Variants in TGS1 observed in about 807,000 individuals in gnomAD.
TGS1 encodes the protein trimethylguanosine synthase 1.
In TGS1, 69 loss-of-function variants were observed where a neutral mutation model predicts 92.2. That is an observed-to-expected ratio of 0.75 (90% CI 0.62 to 0.91). TGS1 has a LOEUF of 0.91. TGS1 is among the 40% of genes least tolerant of loss of function. The pLI, the probability that TGS1 is intolerant of heterozygous loss-of-function variation, is 0.00. For synonymous variants in TGS1, 345 were observed against 338.1 expected (o/e 1.02, Z -0.22); for missense variants, 1,062 against 1,001.2 (o/e 1.06, Z -0.82).
intron 10 of TGS1, among the ~76,000 whole-genome samples, chr8:55,805,259 A>G (rs1030550168): frequency 6.6e-6 from 1 of 152,216 alleles, no homozygotes; most frequent in East Asian, 1.9e-4. Flanking sequence ...TTTGAACTGT[A>G]TGAGTCCACT....
In TGS1 at chr8:55,785,929, G is replaced by A. The variant is rs188340009; in HGVS notation, c.339+38G>A. The A allele has an allele frequency of 6.4e-4, 963 of 1,511,708 alleles. 17 individuals carry two copies. In the South Asian group the frequency reaches 8.7e-3, roughly 14 times the overall value. The allele number at this position is 1,511,708 out of a possible 1,614,324, so 93.6% of individuals were successfully genotyped here. On this transcript the variant is annotated intron_variant, in intron 3 of 12. Coordinates refer to ENST00000260129, the MANE Select transcript of TGS1 (RefSeq NM_024831.8). ...TTACTTTTATTATTTCTCTCTCTTC[G>A]TTTTCTTTATAAAATATCGCAAGGA...
At position 55,773,561 on chromosome 8, in the gene TGS1, G is replaced by T; in HGVS notation, c.-58G>T. 1 of 1,387,894 alleles carries T rather than the reference G, an allele frequency of 7.2e-7. No homozygotes were observed. The highest frequency in any genetic ancestry group is 1.0e-6 in the Non-Finnish European group (1 of 993,376). The allele number at this position is 1,387,894 out of a possible 1,614,324, so 86.0% of individuals were successfully genotyped here. The stretch of plus-strand genomic sequence containing the variant: ...GTTTTAAGTCTCCAGTAACCGAGCG[G>T]AGGCCCGGCAGGCGCGACCCGGGCT... On this transcript the variant is annotated 5_prime_UTR_variant, in exon 1 of 13. Coordinates refer to ENST00000260129, the MANE Select transcript of TGS1 (RefSeq NM_024831.8).
At chr8:55,811,223 G>A in intron 11 of TGS1, 126 bp downstream of exon 11, 2 of 773,500 alleles carry the variant, frequency 2.6e-6, no homozygotes, top group East Asian at 2.7e-5. Context: ...AGCACATTGG[G>A]AGGCTGAGGC....
At chr8:55,775,239 C>T (rs369621437) in intron 1 of TGS1, among the ~76,000 whole-genome samples, 124 of 37,886 alleles carry the variant, frequency 3.3e-3, no homozygotes, top group African/African-American at 7.0e-3. Context: ...GACTCTGTCC[C>T]GAAAAAAAAA....
chr8:55,813,605 G>A (rs1437700883), intron 12 of TGS1, among the ~76,000 whole-genome samples: 1 of 152,046 alleles, frequency 6.6e-6, no homozygotes, highest in Non-Finnish European at 1.5e-5. Flanking sequence ...TGCTAACTGG[G>A]TTTTTCCTTT....
At chr8:55,819,448 C>A (rs1399840931) in intron 12 of TGS1, among the ~76,000 whole-genome samples, 1 of 151,870 alleles carries the variant, frequency 6.6e-6, no homozygotes, top group East Asian at 1.9e-4. Context: ...AGGCATATGC[C>A]ACTATGCCCG....
chr8:55,791,634 C>T (rs1563456261), intron 5 of TGS1, among the ~76,000 whole-genome samples: 1 of 152,212 alleles, frequency 6.6e-6, no homozygotes, highest in East Asian at 1.9e-4. Context: ...TTCTAAACAA[C>T]GTGCGTGACC....
At chr8:55,816,277 T>C (rs1230308718) in intron 12 of TGS1, among the ~76,000 whole-genome samples, 1 of 152,172 alleles carries the variant, frequency 6.6e-6, no homozygotes, top group Non-Finnish European at 1.5e-5. Context: ...ATTGAACATA[T>C]TAATAGATGG....
chr8:55,798,239 C>T (rs75674293), intron 7 of TGS1, among the ~76,000 whole-genome samples: 2 of 152,286 alleles, frequency 1.3e-5, no homozygotes, highest in African/African-American at 2.4e-5. Flanking sequence ...CTAATTTACT[C>T]ACTCTCAGGA....
rs920198986 is a variant in TGS1 at position 55,773,524 on chromosome 8, C to T, written c.-95C>T. 1.7e-5 allele frequency: 15 copies of T among 878,080 alleles called. No individual in the cohort carries two copies. The highest frequency in any genetic ancestry group is 1.4e-4 in the Admixed American group (5 of 35,352). The allele number at this position is 878,080 out of a possible 1,614,324, so 54.4% of individuals were successfully genotyped here. On this transcript the variant is annotated 5_prime_UTR_variant, in exon 1 of 13. Transcript: ENST00000260129. ...TTTCTATCTCCTCATCCAGGGCTTG[C>T]GGGCGAGGCCTGTTTTAAGTCTCCA...
rs888401979 is a variant in TGS1 at position 55,787,863 on chromosome 8, GC to G, written c.1162+804del. Reference sequence around the variant, plus strand: ...CCAATTATGGCAGAAGGTGAAAGGGGCATAGGCATGCCACATGGCAAGAGAG... The same window carrying G: ...CCAATTATGGCAGAAGGTGAAAGGGGATAGGCATGCCACATGGCAAGAGAG... On this transcript the variant is annotated intron_variant, in intron 4 of 12. Coordinates refer to ENST00000260129, the MANE Select transcript of TGS1 (RefSeq NM_024831.8). Among the ~76,000 whole-genome samples the G allele has an allele frequency of 1.8e-4, 28 of 152,194 alleles. 1 individual carries two copies. The highest frequency in any genetic ancestry group is 6.8e-4 in the African/African-American group (28 of 41,432).
chr8:55,792,339 G>A (rs1811909321), intron 5 of TGS1, among the ~76,000 whole-genome samples: 1 of 151,952 alleles, frequency 6.6e-6, no homozygotes, highest in Non-Finnish European at 1.5e-5. Flanking sequence ...TGTTTTTAAG[G>A]GAAACCTCTG....
At chr8:55,816,139 G>C (rs1321722000) in intron 12 of TGS1, among the ~76,000 whole-genome samples, 1 of 152,054 alleles carries the variant, frequency 6.6e-6, no homozygotes, top group African/African-American at 2.4e-5. Context: ...TTATCTGCTT[G>C]ATGCCTGTAT....
rs183568524 is a variant in TGS1 at position 55,806,951 on chromosome 8, G to A, written c.2143+1915G>A. 3.2e-3 allele frequency among the ~76,000 whole-genome samples: 471 copies of A among 146,928 alleles called. 5 individuals are homozygous for A. Among genetic ancestry groups the A allele is most frequent in the African/African-American group, 0.01 (418 of 39,830 alleles). ...TTTTTTTTTTCTTTTTTTTTGAGAC[G>A]GGGTCTCACTCTGTCGCCCAGGCTG... On this transcript the variant is annotated intron_variant, in intron 10 of 12. Transcript: ENST00000260129.
intron 1 of TGS1, among the ~76,000 whole-genome samples, chr8:55,782,529 G>A (rs1811595655): frequency 6.6e-6 from 1 of 152,170 alleles, no homozygotes; most frequent in Admixed American, 6.5e-5. Flanking sequence ...CATGTATTAA[G>A]CATTGTGCTA....
chr8:55,817,407 T>C (rs1285490746), intron 12 of TGS1, among the ~76,000 whole-genome samples: 2 of 152,192 alleles, frequency 1.3e-5, no homozygotes, highest in Non-Finnish European at 2.9e-5. Flanking sequence ...GTATTTGAAT[T>C]TGAATAAATA....
chr8:55,792,161 A>T (rs1355942169), intron 5 of TGS1, among the ~76,000 whole-genome samples: 3 of 152,210 alleles, frequency 2.0e-5, no homozygotes, highest in Non-Finnish European at 4.4e-5. Context: ...ATTTTCCTTT[A>T]CTTGGAATTA....
chr8:55,820,322 G>A (rs1281086236), intron 12 of TGS1, among the ~76,000 whole-genome samples: 7 of 152,070 alleles, frequency 4.6e-5, no homozygotes, highest in South Asian at 2.1e-4. Flanking sequence ...CGAGGCGGGC[G>A]GATCACCTGA....
Position 55,773,646 on chromosome 8 carries a change from G to A in TGS1, c.28G>A (p.Ala10Thr). ...GTGCTGCGAGAAGTGGAGCCGCGTG[G>A]CGGAAATGTTTCTCTTCATTGAGGA... The part of the protein sequence containing the change: MCCEKWSRV[A>T]EMFLFIEERE... Residue 10 changes from alanine to threonine, a missense_variant, in exon 1 of 13, where the codon GCG (alanine) becomes ACG (threonine). Ala to Thr is a moderately conservative substitution (Grantham distance 58). Coordinates refer to ENST00000260129, the MANE Select transcript of TGS1 (RefSeq NM_024831.8). 6.2e-7 allele frequency: 1 copy of A among 1,611,282 alleles called. No homozygotes were observed.
Sources: allele counts gnomAD v4.1 joint callset (sites outside exome capture counted in the v4.1 genomes callset), GRCh38; gene constraint gnomAD v4.1.1; transcripts MANE v1.5; gene names NCBI Gene and HGNC (gene_info 2026-07-23, HGNC 2026-07-21).